The following TRAPPC2L variants were observed in gnomAD, a reference collection of about 807,000 sequenced individuals.
The protein encoded by TRAPPC2L is trafficking protein particle complex subunit 2-like protein.
TRAPPC2L carries 17 observed loss-of-function variants against 13.2 expected under a neutral mutation model. The ratio of observed to expected loss-of-function variants is 1.29; its 90% CI spans 0.88 to 1.93. The LOEUF (loss-of-function observed/expected upper bound fraction) is 1.93, where lower values mean the gene tolerates loss of function less well. Ranked by LOEUF, TRAPPC2L falls within the 30% of genes most tolerant of loss-of-function variation. TRAPPC2L has a pLI of 0.00. For synonymous variants in TRAPPC2L, 150 were observed against 98.1 expected, an observed-to-expected ratio of 1.53 and a Z score of -3.12; for missense variants, 359 against 252.1, an observed-to-expected ratio of 1.42 and a Z score of -2.87.
chr16:88,861,576 C>G (rs554211275), exon 4 of TRAPPC2L: 1 of 468,968 alleles, frequency 2.1e-6, no homozygotes, highest in African/African-American at 2.0e-5. Flanking sequence ...GGAGCGCAGA[C>G]TTGAGGCACC....
At chr16:88,856,560 T>TGC, upstream of TRAPPC2L, 1 of 548,318 alleles carries the variant, frequency 1.8e-6, no homozygotes, top group Non-Finnish European at 3.3e-6. Flanking sequence ...CCGAGGGGCC[T>TGC]CCCCCTCCCC....
exon 4 of TRAPPC2L, chr16:88,861,104 G>A (rs552380007): frequency 4.0e-6 from 3 of 748,210 alleles, no homozygotes; most frequent in African/African-American, 1.8e-5. Flanking sequence ...TAAAGGTCTT[G>A]TGAGAGGAGA....
chr16:88,860,165 A>G (rs760673599), exon 4 of TRAPPC2L: 8 of 713,246 alleles, frequency 1.1e-5, no homozygotes, highest in South Asian at 1.0e-4. Flanking sequence ...ACAGATCTCC[A>G]GCGCATAAAG....
upstream of TRAPPC2L, chr16:88,856,692 C>T: frequency 1.7e-6 from 1 of 585,684 alleles, no homozygotes; most frequent in South Asian, 1.9e-5. Flanking sequence ...CCTCGCTCCT[C>T]CCTCCATCCG....
exon 4 of TRAPPC2L, chr16:88,859,966 A>C (rs1230141153): frequency 6.2e-7 from 1 of 1,613,988 alleles, no homozygotes; most frequent in South Asian, 1.1e-5. Flanking sequence ...GACCGCATCC[A>C]GTCCAGGTGG....
rs778036656 is a variant in TRAPPC2L at position 88,859,889 on chromosome 16, T to G, written c.295-4T>G. On this transcript the variant is annotated splice_polypyrimidine_tract_variant and splice_region_variant and intron_variant, in intron 3 of 3. Transcript: ENST00000565504. Reference sequence around the variant, plus strand: ...AAGGTCATGGTTTGCTGGGTCTTTTTCAGATGTTCCGGAAGCTACACAACT... The same window carrying G: ...AAGGTCATGGTTTGCTGGGTCTTTTGCAGATGTTCCGGAAGCTACACAACT... The G allele has an allele frequency of 6.4e-7, 1 of 1,554,760 alleles. No homozygotes were observed. Among genetic ancestry groups the G allele is most frequent in the South Asian group, 1.2e-5 (1 of 86,796 alleles).
exon 4 of TRAPPC2L, chr16:88,860,986 A>G: frequency 6.4e-7 from 1 of 1,569,466 alleles, no homozygotes; most frequent in Non-Finnish European, 8.6e-7. Flanking sequence ...GCCATCGCAG[A>G]GGAGCCCGCG....
At chr16:88,859,842 G>T (rs1371971403) in intron 3 of TRAPPC2L, 51 bp from the exon 4 acceptor site, 4 of 1,582,856 alleles carry the variant, frequency 2.5e-6, no homozygotes, top group African/African-American at 2.7e-5. Context: ...TAAAAATCTG[G>T]CAGTGGCTGT....
intron 3 of TRAPPC2L, 24 bp downstream of exon 3, chr16:88,859,774 A>G: frequency 6.2e-7 from 1 of 1,603,404 alleles, no homozygotes. Flanking sequence ...TTAGAGGGCC[A>G]CGCCCGAGTG....
upstream of TRAPPC2L, chr16:88,856,788 G>C (rs1967938638): frequency 6.5e-7 from 1 of 1,543,886 alleles, no homozygotes; most frequent in Non-Finnish European, 8.7e-7. Flanking sequence ...GGATGTTGGG[G>C]GGCTGCGGGG....
At chr16:88,856,799 C>T (rs200727146), upstream of TRAPPC2L, 1 of 1,537,560 alleles carries the variant, frequency 6.5e-7, no homozygotes, top group Non-Finnish European at 8.7e-7. Context: ...GGCTGCGGGG[C>T]GCCCGAGGCC....
chr16:88,856,924 G>A (rs774529414), upstream of TRAPPC2L: 7 of 1,482,778 alleles, frequency 4.7e-6, no homozygotes, highest in South Asian at 5.1e-5. Context: ...CCGACCTAGC[G>A]AGCGTCCGCC....
At chr16:88,856,894 G>A (rs1567551481), upstream of TRAPPC2L, 12 of 1,502,456 alleles carry the variant, frequency 8.0e-6, no homozygotes, top group South Asian at 8.7e-5. Context: ...CACGGGAGCC[G>A]CGGAGCCCCG....
At chr16:88,858,764 T>G (rs1447469627) in exon 2 of TRAPPC2L, 1 of 1,613,428 alleles carries the variant, frequency 6.2e-7, no homozygotes, top group Admixed American at 1.7e-5. Flanking sequence ...TACCTGGGCC[T>G]GCTCTACCCC....
intron 3 of TRAPPC2L, 55 bp downstream of exon 3, chr16:88,859,805 T>C: frequency 2.5e-6 from 4 of 1,592,474 alleles, no homozygotes; most frequent in Non-Finnish European, 3.4e-6. Context: ...TTTTCCTTTT[T>C]GACTTTGTTT....
At chr16:88,857,147 C>T (rs574607044) in exon 1 of TRAPPC2L, 4 of 1,580,448 alleles carry the variant, frequency 2.5e-6, no homozygotes, top group Admixed American at 3.5e-5. Flanking sequence ...CCGAGCCTCC[C>T]AAGATGGCGG....
At chr16:88,856,823 CG>C, upstream of TRAPPC2L, 1 of 1,529,768 alleles carries the variant, frequency 6.5e-7, no homozygotes, top group Non-Finnish European at 8.7e-7. Context: ...ATCCCCGCGG[CG>C]CTGAGCACCA....
chr16:88,860,515 G>A (rs1968311188), exon 4 of TRAPPC2L: 1 of 598,066 alleles, frequency 1.7e-6, no homozygotes, highest in Non-Finnish European at 3.0e-6. Flanking sequence ...GGAAGAGGAC[G>A]CTGCAGTGAT....
At chr16:88,856,389 G>C (rs1477826857), upstream of TRAPPC2L, 1 of 701,640 alleles carries the variant, frequency 1.4e-6, no homozygotes, top group Non-Finnish European at 2.6e-6. Flanking sequence ...CCTTTCCCAA[G>C]AGTAGAGGGC....
Sources: allele counts gnomAD v4.1 joint callset, GRCh38; gene constraint gnomAD v4.1.1; transcripts MANE v1.5; gene names NCBI Gene and HGNC (gene_info 2026-07-23, HGNC 2026-07-21).